Variants in COL2A1 observed in about 807,000 individuals in gnomAD.
COL2A1 encodes the protein collagen alpha-1(II) chain.
COL2A1 carries 28 observed loss-of-function variants against 204.5 expected under a neutral mutation model. That is an observed-to-expected ratio of 0.14 (90% confidence interval 0.10 to 0.19). The LOEUF (loss-of-function observed/expected upper bound fraction) is 0.19, where lower values mean the gene tolerates loss of function less well. Among genes scored for constraint, COL2A1 ranks in the 10% least tolerant of loss-of-function variants. The probability of loss-of-function intolerance (pLI) is 1.00; values close to 1 mark genes in which losing one functional copy is unlikely to be tolerated. For synonymous variants in COL2A1, 708 were observed against 718.7 expected (o/e 0.99, Z 0.24); for missense variants, 1,388 against 2,027.5 (o/e 0.68, Z 6.06).
At position 47,989,800 on chromosome 12, in the gene COL2A1, G is replaced by C. The variant is rs376545187; in HGVS notation, c.1029C>G (p.Ala343=). 3 of 1,613,164 alleles carry C rather than the reference G, an allele frequency of 1.9e-6. No individual in the cohort carries two copies. The highest frequency in any genetic ancestry group is 3.3e-5 in the Admixed American group (2 of 60,000). Residue 343 remains alanine (A), a synonymous_variant, in exon 17 of 54, where the codon GCC becomes GCG. Transcript: ENST00000380518. ...GRTGPAGAAG[A]RGNDGQPGPA... Reference sequence around the variant, plus strand: ...GGCCTGGCTGACCATCGTTGCCTCGGGCACCCTGTGAGCAAGAAGGAAGTG... The same window carrying C: ...GGCCTGGCTGACCATCGTTGCCTCGCGCACCCTGTGAGCAAGAAGGAAGTG...
At chr12:47,986,568 A>G in intron 22 of COL2A1, 125 bp from the exon 23 acceptor site, 1 of 734,950 alleles carries the variant, frequency 1.4e-6, no homozygotes, top group Non-Finnish European at 2.3e-6. Flanking sequence ...CTTGAGGACG[A>G]GAGGCCATAA....
rs746780403 is a variant in COL2A1, at chr12:47,989,810, G to A, written c.1024-5C>T. 1.9e-6 allele frequency: 3 copies of A among 1,612,986 alleles called. No individual in the cohort carries two copies. The Admixed American group carries it at 5.0e-5, about 27-fold the overall frequency. ...ACCATCGTTGCCTCGGGCACCCTGTGAGCAAGAAGGAAGTGACCATGAGAG... is the reference window on the plus strand; with the variant it reads ...ACCATCGTTGCCTCGGGCACCCTGTAAGCAAGAAGGAAGTGACCATGAGAG... On this transcript the variant is annotated splice_polypyrimidine_tract_variant and splice_region_variant and intron_variant, in intron 16 of 53. Transcript: ENST00000380518.
In COL2A1 at chr12:47,980,110, C is replaced by T. The variant is rs774506023; in HGVS notation, c.2626-48G>A. 123 of 1,494,008 alleles carry T rather than the reference C, an allele frequency of 8.2e-5. No homozygotes were observed. The highest frequency in any genetic ancestry group is 9.9e-5 in the Non-Finnish European group (108 of 1,095,164). 92.5% of individuals were successfully genotyped at this position (1,494,008 alleles called of 1,614,324 possible). On this transcript the variant is annotated intron_variant, in intron 39 of 53. Transcript: ENST00000380518. The surrounding 1 kb of genome is among the most constrained non-coding windows in gnomAD (Gnocchi z 4.5). ...GTGAGGCCCAGTGGCCCAAGGAAGA[C>T]GGTGGGCTTCTGTCTGAGCCCCAAC...
In COL2A1 at chr12:47,981,402, G is replaced by T; in HGVS notation, c.2410-6C>A. On this transcript the variant is annotated splice_region_variant and splice_polypyrimidine_tract_variant and intron_variant, in intron 36 of 53. Coordinates refer to ENST00000380518, the MANE Select transcript of COL2A1 (RefSeq NM_001844.5). ...CCAGGAGGTCCAACTTCTCCCTGAG[G>T]GTGGGGAAGGGAGGAAGAGCTGGGG... 1 of 1,609,790 alleles carries T rather than the reference G, an allele frequency of 6.2e-7. No homozygotes were observed. The highest frequency in any genetic ancestry group is 8.5e-7 in the Non-Finnish European group (1 of 1,178,570).
chr12:47,999,655 TAGAATCACATCTGTCC>T, intron 2 of COL2A1: 1 of 185,846 alleles, frequency 5.4e-6, no homozygotes, highest in Non-Finnish European at 1.1e-5. Context: ...TTTTTTTTTG[TAGAATCACATCTGTCC>T]TTCATGTGTC....
intron 1 of COL2A1, chr12:48,004,027 TG>T: frequency 1.7e-6 from 1 of 580,356 alleles, no homozygotes. Context: ...GCAACTGCGA[TG>T]GGCACCGAGG....
chr12:47,976,152 C>T lies in COL2A1; in HGVS notation c.3490-82G>A, dbSNP rs1335709475. ...TCGCTGGGGCTGGGTAGGTGGCTGT[C>T]CTGATAGCACCAGCCACTCCGCCCC... On this transcript the variant is annotated intron_variant, in intron 49 of 53. Transcript: ENST00000380518. The surrounding 1 kb of genome is among the most constrained non-coding windows in gnomAD (Gnocchi z 4.3). The T allele has an allele frequency of 1.1e-6, 1 of 941,912 alleles. No individual in the cohort carries two copies. Among genetic ancestry groups the T allele is most frequent in the African/African-American group, 1.6e-5 (1 of 62,112 alleles). 58.3% of individuals were successfully genotyped at this position (941,912 alleles called of 1,614,324 possible). A position where few individuals can be genotyped will look rare whatever the true frequency, so the allele number is the denominator to read the frequency against.
Position 47,987,644 on chromosome 12 carries a change from A to G in COL2A1, c.1188T>C (p.Gly396=). 6.2e-7 allele frequency: 1 copy of G among 1,613,308 alleles called. No homozygotes were observed. Among genetic ancestry groups the G allele is most frequent in the Non-Finnish European group, 8.5e-7 (1 of 1,179,716 alleles). ...EGAQGPRGEP[G]TPGSPGPAGA... Reference sequence around the variant, plus strand: ...CAGCAGGCCCAGGGGACCCAGGAGTACCAGGTTCACCGCGAGGACCTTGAG... The same window carrying G: ...CAGCAGGCCCAGGGGACCCAGGAGTGCCAGGTTCACCGCGAGGACCTTGAG... The change falls in exon 19 of 54, where the codon GGT becomes GGC. Residue 396 remains glycine (G), a synonymous_variant. Coordinates refer to ENST00000380518, the MANE Select transcript of COL2A1 (RefSeq NM_001844.5). The surrounding 1 kb of genome is among the most constrained non-coding windows in gnomAD (Gnocchi z 4.1).
At chr12:47,984,306 C>G (rs1011508455) in intron 28 of COL2A1, among the ~76,000 whole-genome samples, 166 bp from the exon 29 acceptor site, 1 of 152,222 alleles carries the variant, frequency 6.6e-6, no homozygotes, top group Non-Finnish European at 1.5e-5. Flanking sequence ...CAGGCCCCGT[C>G]TTTTCTTAGC....
intron 16 of COL2A1, among the ~76,000 whole-genome samples, chr12:47,991,135 G>A (rs558578754): frequency 6.6e-6 from 1 of 152,292 alleles, no homozygotes; most frequent in East Asian, 1.9e-4. Context: ...CAGCCCCTCT[G>A]GGCTGGCCTG....
At chr12:47,979,416 G>T in intron 41 of COL2A1, 95 bp downstream of exon 41, 1 of 1,329,682 alleles carries the variant, frequency 7.5e-7, no homozygotes, top group Non-Finnish European at 1.1e-6. Context: ...ACTCAGAGGA[G>T]TGAAGGCCAG....
At chr12:47,988,748 C>T (rs1287423915) in intron 18 of COL2A1, among the ~76,000 whole-genome samples, 1 of 152,238 alleles carries the variant, frequency 6.6e-6, no homozygotes, top group Non-Finnish European at 1.5e-5. Context: ...CTCCAGAGAA[C>T]TCCGTTAACA....
At chr12:47,981,010 C>T (rs1939043308) in intron 37 of COL2A1, 42 bp from the exon 38 acceptor site, 8 of 1,537,186 alleles carry the variant, frequency 5.2e-6, no homozygotes, top group Non-Finnish European at 7.0e-6. Flanking sequence ...GGCCCCGCTG[C>T]CTGACCTGCT....
chr12:47,995,778 G>A lies in COL2A1; in HGVS notation c.655-15C>T. On this transcript the variant is annotated splice_polypyrimidine_tract_variant and intron_variant, in intron 9 of 53. Coordinates refer to ENST00000380518, the MANE Select transcript of COL2A1 (RefSeq NM_001844.5). ...CCTTGAGGCCCCTAAAAAGTAAAAT[G>A]AGGATACCAGGTCAATCCCTATAAA... The A allele has an allele frequency of 6.2e-7, 1 of 1,613,858 alleles. No homozygotes were observed. Among genetic ancestry groups the A allele is most frequent in the Non-Finnish European group, 8.5e-7 (1 of 1,179,840 alleles).
At chr12:47,984,025 C>T in intron 29 of COL2A1, 62 bp downstream of exon 29, 1 of 1,443,614 alleles carries the variant, frequency 6.9e-7, no homozygotes, top group Non-Finnish European at 9.6e-7. Context: ...TGGGCTCTCC[C>T]ACCCCCACCC....
chr12:47,976,676 C>T lies in COL2A1; in HGVS notation c.3436-109G>A. Reference sequence around the variant, plus strand: ...TCCCAGCCCCATTCCCTTTCCACTTCCTCCTCCCTCCAGCCCTGAGGAAAT... The same window carrying T: ...TCCCAGCCCCATTCCCTTTCCACTTTCTCCTCCCTCCAGCCCTGAGGAAAT... On this transcript the variant is annotated intron_variant, in intron 48 of 53. Transcript: ENST00000380518. This position sits in a 1 kb window ranked among gnomAD's most constrained non-coding sequence, Gnocchi z 4.3. 1.5e-6 allele frequency: 2 copies of T among 1,373,496 alleles called. No homozygotes were observed. The highest frequency in any genetic ancestry group is 1.4e-5 in the African/African-American group (1 of 69,954). The allele number at this position is 1,373,496 out of a possible 1,614,324, so 85.1% of individuals were successfully genotyped here. A position where few individuals can be genotyped will look rare whatever the true frequency, so the allele number is the denominator to read the frequency against.
chr12:47,983,017 G>A, intron 32 of COL2A1, 71 bp from the exon 33 acceptor site: 1 of 1,606,126 alleles, frequency 6.2e-7, no homozygotes, highest in Middle Eastern at 1.7e-4. Context: ...AAGCAGGGAG[G>A]TGGGGAAAGG....
rs186517477 is a variant in COL2A1, at chr12:48,004,033, C to T, written c.85+204G>A. The T allele has an allele frequency of 1.0e-5, 6 of 584,424 alleles. No homozygotes were observed. In the East Asian group the frequency reaches 1.4e-4, roughly 14 times the overall value. The allele number at this position is 584,424 out of a possible 1,614,324, so 36.2% of individuals were successfully genotyped here. A position where few individuals can be genotyped will look rare whatever the true frequency, so the allele number is the denominator to read the frequency against. On this transcript the variant is annotated intron_variant, in intron 1 of 53. Transcript: ENST00000380518. ...CAAATACTTGCAACTGCGATGGGCA[C>T]CGAGGACCCTGGGACAGAGTCCTTG...
rs966353268 is a variant in COL2A1, at chr12:47,973,024, G to A, written c.*383C>T. On this transcript the variant is annotated 3_prime_UTR_variant, in exon 54 of 54. Transcript: ENST00000380518. ...AATTGATGTTTTAAAAAATACAGAG[G>A]TGTTTGACACAGAATAGCACCATTG... The A allele has an allele frequency of 3.9e-5, 20 of 513,334 alleles. No homozygotes were observed. The highest frequency in any genetic ancestry group is 4.9e-4 in the Middle Eastern group (1 of 2,032). The allele number at this position is 513,334 out of a possible 1,614,324, so 31.8% of individuals were successfully genotyped here. A position where few individuals can be genotyped will look rare whatever the true frequency, so the allele number is the denominator to read the frequency against.
Sources: allele counts gnomAD v4.1 joint callset (sites outside exome capture counted in the v4.1 genomes callset), GRCh38; gene constraint gnomAD v4.1.1; non-coding constraint Gnocchi (gnomAD v3.1); transcripts MANE v1.5; gene names NCBI Gene and HGNC (gene_info 2026-07-23, HGNC 2026-07-21).